GDAP1: variants seen among roughly 807,000 people sequenced by gnomAD.
GDAP1 encodes the protein ganglioside induced differentiation associated protein 1.
Under a neutral mutation model 40.1 loss-of-function variants are expected in GDAP1, and 34 were observed. That is an observed-to-expected ratio of 0.85 (90% CI 0.64 to 1.13). The LOEUF (loss-of-function observed/expected upper bound fraction) is 1.13, where lower values mean the gene tolerates loss of function less well. Ranked by LOEUF, GDAP1 falls within the 50% of genes most tolerant of loss-of-function variation. GDAP1 has a pLI of 0.00. For synonymous variants in GDAP1, 170 were observed against 157.4 expected, an observed-to-expected ratio of 1.08 and a Z score of -0.60; for missense variants, 374 against 433.7, an observed-to-expected ratio of 0.86 and a Z score of 1.22.
chr8:74,419,042 G>T (rs1805823014), intron 2 of GDAP1, among the ~76,000 whole-genome samples: 1 of 152,192 alleles, frequency 6.6e-6, no homozygotes, highest in Non-Finnish European at 1.5e-5. Context: ...AAGTGCGGGA[G>T]AATGCAGATC....
intron 2 of GDAP1, among the ~76,000 whole-genome samples, chr8:74,377,268 C>T (rs753753186): frequency 4.6e-5 from 7 of 151,904 alleles, no homozygotes; most frequent in South Asian, 2.1e-4. Context: ...ACCACAGAAT[C>T]GATGAGAATA....
intron 2 of GDAP1, among the ~76,000 whole-genome samples, chr8:74,437,337 C>A (rs7812502): frequency 2.0e-5 from 3 of 152,146 alleles, no homozygotes; most frequent in African/African-American, 7.2e-5. Flanking sequence ...AGTTACCAGT[C>A]GCAGTAAAGC....
At chr8:74,471,943 G>A (rs967430321) in intron 2 of GDAP1, among the ~76,000 whole-genome samples, 2 of 152,034 alleles carry the variant, frequency 1.3e-5, no homozygotes, top group African/African-American at 4.8e-5. Context: ...TTAATTAATT[G>A]TTTTAAACTT....
rs974911186 is a variant in GDAP1 at position 74,481,805 on chromosome 8, G to A, written c.166-6873G>A. Among the ~76,000 whole-genome samples the A allele has an allele frequency of 2.0e-5, 3 of 152,056 alleles. 1 individual carries two copies. Among genetic ancestry groups the A allele is most frequent in the Admixed American group, 2.0e-4 (3 of 15,262 alleles). On this transcript the variant is annotated intron_variant, in intron 2 of 2. Coordinates refer to the GDAP1 transcript ENST00000523640. ...CACCAGTGCACAATAAGGAGAAGGG[G>A]GCTAAAAAGCTTGAAAACTGCTGGG...
At chr8:74,358,818 G>A (rs1809222962) in intron 2 of GDAP1, among the ~76,000 whole-genome samples, 1 of 152,152 alleles carries the variant, frequency 6.6e-6, no homozygotes, top group Non-Finnish European at 1.5e-5. Flanking sequence ...GGGAATAATT[G>A]TATCTCTATT....
At chr8:74,422,162 CTTTCTTTCT>C (rs1311614394) in intron 2 of GDAP1, among the ~76,000 whole-genome samples, 1 of 142,214 alleles carries the variant, frequency 7.0e-6, no homozygotes, top group Non-Finnish European at 1.5e-5. Flanking sequence ...TCATTTTCTT[CTTTCTTTCT>C]TTTCTTTCTT....
intron 2 of GDAP1, among the ~76,000 whole-genome samples, chr8:74,389,350 A>C (rs1810073792): frequency 1.3e-5 from 2 of 152,016 alleles, no homozygotes; most frequent in Admixed American, 1.3e-4. Context: ...TTTCTTCAGG[A>C]GCTCTTGTAA....
chr8:74,436,275 G>T (rs1413264270), intron 2 of GDAP1, among the ~76,000 whole-genome samples: 1 of 152,146 alleles, frequency 6.6e-6, no homozygotes, highest in Admixed American at 6.5e-5. Context: ...CTGTATCCTA[G>T]GAGTTATAGA....
At chr8:74,462,683 TTTAAGGAACTTAATCC>T (rs1366716870) in intron 2 of GDAP1, among the ~76,000 whole-genome samples, 4 of 152,184 alleles carry the variant, frequency 2.6e-5, no homozygotes, top group Non-Finnish European at 4.4e-5. Flanking sequence ...TTAGGAATAA[TTTAAGGAACTTAATCC>T]TTCTTGCTTC....
chr8:74,382,590 T>C (rs1809971210), intron 2 of GDAP1, among the ~76,000 whole-genome samples: 1 of 152,156 alleles, frequency 6.6e-6, no homozygotes, highest in Non-Finnish European at 1.5e-5. Flanking sequence ...CATCCTTTTT[T>C]TCATTGGCAA....
intron 2 of GDAP1, among the ~76,000 whole-genome samples, chr8:74,397,450 G>T (rs1379318217): frequency 6.6e-6 from 1 of 152,108 alleles, no homozygotes; most frequent in Non-Finnish European, 1.5e-5. Context: ...GTCCTGAATG[G>T]TAATGCCTAG....
At chr8:74,362,146 C>T (rs1191831107) in intron 4 of GDAP1, among the ~76,000 whole-genome samples, 168 bp downstream of exon 4, 1 of 152,076 alleles carries the variant, frequency 6.6e-6, no homozygotes, top group Admixed American at 6.5e-5. Context: ...TTTTATTAGA[C>T]TTGATATTGA....
At position 74,444,678 on chromosome 8, in the gene GDAP1, T is replaced by A. The variant is rs576891352; in HGVS notation, c.166-44000T>A. 4.6e-5 allele frequency among the ~76,000 whole-genome samples: 7 copies of A among 152,140 alleles called. No individual in the cohort carries two copies. The South Asian group carries it at 1.5e-3, about 32-fold the overall frequency. On this transcript the variant is annotated intron_variant, in intron 2 of 2. Coordinates refer to the GDAP1 transcript ENST00000523640. ...GGAAAAAAGAACATGAAACAAAACATATGTTGGGTTATGGTTTTGCACCAG... is the reference window on the plus strand; with the variant it reads ...GGAAAAAAGAACATGAAACAAAACAAATGTTGGGTTATGGTTTTGCACCAG...
chr8:74,390,748 G>A (rs575259609), intron 2 of GDAP1, among the ~76,000 whole-genome samples: 56 of 152,338 alleles, frequency 3.7e-4, no homozygotes, highest in African/African-American at 1.3e-3. Flanking sequence ...GAGCCAGCAG[G>A]CAGGAATGTT....
At chr8:74,391,908 T>C (rs898420526) in intron 2 of GDAP1, among the ~76,000 whole-genome samples, 2 of 152,124 alleles carry the variant, frequency 1.3e-5, no homozygotes, top group African/African-American at 2.4e-5. Context: ...AACCTCTGCC[T>C]CCCGGGTTCA....
At chr8:74,444,085 A>G (rs1461831258) in intron 2 of GDAP1, among the ~76,000 whole-genome samples, 2 of 151,908 alleles carry the variant, frequency 1.3e-5, no homozygotes, top group African/African-American at 4.8e-5. Flanking sequence ...AGCAGTTTAG[A>G]TAGAAAAAAA....
chr8:74,486,973 C>T (rs1405005085), intron 2 of GDAP1, among the ~76,000 whole-genome samples: 4 of 152,124 alleles, frequency 2.6e-5, no homozygotes, highest in Non-Finnish European at 4.4e-5. Flanking sequence ...ATCTCACTTA[C>T]TAACAAGCTA....
intron 2 of GDAP1, among the ~76,000 whole-genome samples, chr8:74,378,593 G>A (rs538278064): frequency 1.3e-5 from 2 of 152,322 alleles, no homozygotes; most frequent in East Asian, 1.9e-4. Flanking sequence ...CATCAAACTA[G>A]CATCAATGTC....
intron 2 of GDAP1, among the ~76,000 whole-genome samples, chr8:74,417,804 A>G (rs532507370): frequency 7.2e-6 from 1 of 139,766 alleles, no homozygotes; most frequent in African/African-American, 3.3e-5. Context: ...AAATCCCAAG[A>G]TGAATATAAA....
Sources: allele counts gnomAD v4.1 joint callset (sites outside exome capture counted in the v4.1 genomes callset), GRCh38; gene constraint gnomAD v4.1.1; transcripts MANE v1.5; gene names NCBI Gene and HGNC (gene_info 2026-07-23, HGNC 2026-07-21).